PCDHA1: variants seen among roughly 807,000 people sequenced by gnomAD.
The protein encoded by PCDHA1 is protocadherin alpha 1.
PCDHA1 carries 42 observed loss-of-function variants against 61.3 expected under a neutral mutation model. The observed-to-expected ratio is 0.69, with a 90% CI of 0.54 to 0.89. The LOEUF is 0.89. PCDHA1 is among the 40% of genes least tolerant of loss of function. The pLI is 0.00. For missense variants in PCDHA1, 1,256 were observed against 1,235.3 expected (o/e 1.02, Z -0.25); for synonymous variants, 610 against 553.8 (o/e 1.10, Z -1.43).
chr5:140,884,577 T>G, intron 1 of PCDHA1: 1 of 1,614,230 alleles, frequency 6.2e-7, no homozygotes, highest in Non-Finnish European at 8.5e-7. Context: ...ACGGACCTCA[T>G]GGCCTTCAGT....
At chr5:140,840,708 CA>C (rs1191329041) in intron 1 of PCDHA1, among the ~76,000 whole-genome samples, 5 of 151,964 alleles carry the variant, frequency 3.3e-5, no homozygotes, top group African/African-American at 1.2e-4. Context: ...GGCAATTTGA[CA>C]TTTATTGAAT....
rs139607260 is a variant in PCDHA1, at chr5:140,954,243, A to C, written c.2395-24706A>C. ...TATTGTGAATAGTGCTGCAATGAAC[A>C]TACACATGCAGGTATCTTTATAATA... On this transcript the variant is annotated intron_variant, in intron 1 of 3. Transcript: ENST00000504120. Among the ~76,000 whole-genome samples the C allele has an allele frequency of 3.2e-4, 49 of 152,350 alleles. No individual in the cohort carries two copies. In the East Asian group the frequency reaches 9.1e-3, roughly 28 times the overall value.
rs372065617 is a variant in PCDHA1 at position 140,786,856 on chromosome 5, G to A, written c.566G>A (p.Ser189Asn). The A allele has an allele frequency of 1.2e-6, 2 of 1,614,088 alleles. No individual in the cohort carries two copies. Among genetic ancestry groups the A allele is most frequent in the Middle Eastern group, 1.6e-4 (1 of 6,084 alleles). The change falls in exon 1 of 4, where the codon AGT becomes AAT. Residue 189 changes from serine to asparagine, a missense_variant. Transcript: ENST00000504120. ...SLDVEASDELSKSLWLELRKY... is the reference protein window; with the variant it reads ...SLDVEASDELNKSLWLELRKY... ...GATGTAGAGGCAAGTGATGAACTGA[G>A]TAAATCTCTTTGGCTTGAATTGAGA...
At chr5:140,799,625 T>C (rs140521241) in intron 1 of PCDHA1, among the ~76,000 whole-genome samples, 1 of 152,222 alleles carries the variant, frequency 6.6e-6, no homozygotes, top group East Asian at 1.9e-4. Flanking sequence ...CTTGAAAAAG[T>C]TAATTCAAAA....
intron 1 of PCDHA1, among the ~76,000 whole-genome samples, chr5:140,892,180 T>C (rs1176959692): frequency 6.6e-6 from 1 of 152,224 alleles, no homozygotes; most frequent in African/African-American, 2.4e-5. Context: ...GGGATCCTCA[T>C]GGGTCTATTC....
chr5:140,875,525 T>C, intron 1 of PCDHA1: 1 of 1,614,132 alleles, frequency 6.2e-7, no homozygotes, highest in Non-Finnish European at 8.5e-7. Flanking sequence ...CTGCTCTCGC[T>C]TCTGCTCCTT....
intron 1 of PCDHA1, chr5:140,841,814 A>G: frequency 6.2e-7 from 1 of 1,613,908 alleles, no homozygotes; most frequent in Non-Finnish European, 8.5e-7. Context: ...TGTTGGAGCT[A>G]ACTCCGTGTT....
rs1368766918 is a variant in PCDHA1 at position 141,010,867 on chromosome 5, A to G, written c.*930A>G. 4.6e-5 allele frequency: 7 copies of G among 153,798 alleles called. No homozygotes were observed. The highest frequency in any genetic ancestry group is 3.3e-4 in the Admixed American group (5 of 15,292). 9.5% of individuals were successfully genotyped at this position (153,798 alleles called of 1,614,324 possible). A position where few individuals can be genotyped will look rare whatever the true frequency, so the allele number is the denominator to read the frequency against. On this transcript the variant is annotated 3_prime_UTR_variant, in exon 4 of 4. Coordinates refer to ENST00000504120, the MANE Select transcript of PCDHA1 (RefSeq NM_018900.4). Reference sequence around the variant, plus strand: ...TTAAAAAAAGAGAAAGTCTATAGCTATAAATCTTTAAAGAGAAATATGAAT... The same window carrying G: ...TTAAAAAAAGAGAAAGTCTATAGCTGTAAATCTTTAAAGAGAAATATGAAT...
chr5:140,875,889 G>C, intron 1 of PCDHA1: 1 of 1,614,174 alleles, frequency 6.2e-7, no homozygotes, highest in South Asian at 1.1e-5. Context: ...GGGAACAAAA[G>C]GTACCTGTTT....
At position 140,842,935 on chromosome 5, in the gene PCDHA1, C is replaced by T. The variant is rs1329962165; in HGVS notation, c.2394+54251C>T. ...TGCTGCAGTTCCAGGTGAGCGCGCG[C>T]GACGCGGGCGTGCCGCCTCTGGGCA... On this transcript the variant is annotated intron_variant, in intron 1 of 3. Transcript: ENST00000504120. The T allele has an allele frequency of 3.8e-6, 6 of 1,594,442 alleles. No individual in the cohort carries two copies. In the African/African-American group the frequency reaches 8.1e-5, roughly 21 times the overall value.
At chr5:140,969,908 T>C (rs1586401643) in intron 1 of PCDHA1, among the ~76,000 whole-genome samples, 4 of 152,184 alleles carry the variant, frequency 2.6e-5, no homozygotes, top group Non-Finnish European at 4.4e-5. Context: ...ATGTCACAAG[T>C]GATAAAGCTG....
At chr5:140,808,332 A>G in intron 1 of PCDHA1, 1 of 1,614,248 alleles carries the variant, frequency 6.2e-7, no homozygotes, top group Non-Finnish European at 8.5e-7. Context: ...ATGGGTGTCA[A>G]TGGGCTGGTC....
intron 1 of PCDHA1, chr5:140,850,375 A>AT (rs2041561857): frequency 6.3e-7 from 1 of 1,597,746 alleles, no homozygotes; most frequent in Non-Finnish European, 8.6e-7. Context: ...GTGGGGCTGT[A>AT]CACGGGCGAG....
intron 1 of PCDHA1, chr5:140,967,103 C>T: frequency 6.2e-7 from 1 of 1,613,024 alleles, no homozygotes; most frequent in Non-Finnish European, 8.5e-7. Context: ...GCTGTGTGAG[C>T]AGCGGCCTCG....
chr5:140,891,122 G>T (rs572236105), intron 1 of PCDHA1, among the ~76,000 whole-genome samples: 1 of 152,256 alleles, frequency 6.6e-6, no homozygotes, highest in East Asian at 1.9e-4. Context: ...CAATCTAAAT[G>T]TCATTCCTTT....
At position 140,852,858 on chromosome 5, in the gene PCDHA1, A is replaced by G; in HGVS notation, c.2394+64174A>G. ...TAGAGCTAGTACTTACTAAGCATTT[A>G]CTATGTCATCAATAATCATAAAACG... On this transcript the variant is annotated intron_variant, in intron 1 of 3. Transcript: ENST00000504120. 4 of 962,678 alleles carry G rather than the reference A, an allele frequency of 4.2e-6. 1 individual carries two copies. The highest frequency in any genetic ancestry group is 5.0e-6 in the Non-Finnish European group (4 of 796,824). The allele number at this position is 962,678 out of a possible 1,614,324, so 59.6% of individuals were successfully genotyped here. A position where few individuals can be genotyped will look rare whatever the true frequency, so the allele number is the denominator to read the frequency against.
intron 1 of PCDHA1, among the ~76,000 whole-genome samples, chr5:140,942,607 A>G (rs529680459): frequency 1.7e-5 from 2 of 116,438 alleles, no homozygotes; most frequent in East Asian, 2.5e-4. Context: ...TAGTGTTTAT[A>G]TTTGCCAATT....
At chr5:140,833,830 T>C (rs186184470) in intron 1 of PCDHA1, among the ~76,000 whole-genome samples, 1 of 152,148 alleles carries the variant, frequency 6.6e-6, no homozygotes, top group East Asian at 1.9e-4. Context: ...CCTAAAAGAG[T>C]ACAGGATTTT....
intron 1 of PCDHA1, among the ~76,000 whole-genome samples, chr5:140,799,034 G>A (rs1268167146): frequency 2.0e-5 from 3 of 152,122 alleles, no homozygotes; most frequent in Non-Finnish European, 4.4e-5. Flanking sequence ...TAAATGATAA[G>A]CTTCTAAAAT....
Sources: allele counts gnomAD v4.1 joint callset (sites outside exome capture counted in the v4.1 genomes callset), GRCh38; gene constraint gnomAD v4.1.1; transcripts MANE v1.5; gene names NCBI Gene and HGNC (gene_info 2026-07-23, HGNC 2026-07-21).